The following NT5C3A variants were observed in gnomAD, a reference collection of about 807,000 sequenced individuals.
NT5C3A encodes the protein cytosolic 5'-nucleotidase 3A.
NT5C3A carries 23 observed loss-of-function variants against 40.0 expected under a neutral mutation model. The observed-to-expected ratio is 0.58, with a 90% confidence interval of 0.41 to 0.81. The LOEUF (loss-of-function observed/expected upper bound fraction) is 0.81, where lower values mean the gene tolerates loss of function less well. Among genes scored for constraint, NT5C3A ranks in the 40% least tolerant of loss-of-function variants. The pLI, the probability that NT5C3A is intolerant of heterozygous loss-of-function variation, is 0.00. For missense variants in NT5C3A, 328 were observed against 403.0 expected (o/e 0.81, Z 1.59); for synonymous variants, 130 against 141.4 (o/e 0.92, Z 0.57).
chr7:33,032,584 T>A (rs1786340874), intron 1 of NT5C3A, among the ~76,000 whole-genome samples: 1 of 150,836 alleles, frequency 6.6e-6, no homozygotes. Flanking sequence ...GACTCTCAAG[T>A]AACTGGGACT....
chr7:33,052,485 C>CAAAAAAAAAAAAAAAAAAAAAAAA (rs60149792), intron 1 of NT5C3A, among the ~76,000 whole-genome samples: 1 of 74,240 alleles, frequency 1.3e-5, no homozygotes, highest in Non-Finnish European at 2.5e-5. Flanking sequence ...GACTCGGTCT[C>CAAAAAAAAAAAAAAAAAAAAAAAA]AAAAAAAAAA....
chr7:33,036,106 G>A (rs1366143761), intron 1 of NT5C3A: 5 of 778,552 alleles, frequency 6.4e-6, no homozygotes, highest in Non-Finnish European at 1.1e-5. Context: ...TTTTTGGTAT[G>A]ACTTATTTAT....
chr7:33,029,519 G>C lies in NT5C3A; in HGVS notation c.139-2604C>G. On this transcript the variant is annotated intron_variant, in intron 1 of 8. Transcript: ENST00000610140. ...GATGCACAGCAATCAGCATATGTTT[G>C]ATTCAATAACCAATCCATTATGGTG... is the stretch of plus-strand genomic sequence containing the variant. The C allele has an allele frequency of 5.8e-6, 3 of 520,034 alleles. No homozygotes were observed. In the Admixed American group the frequency reaches 7.7e-5, roughly 13 times the overall value. The allele number at this position is 520,034 out of a possible 1,614,324, so 32.2% of individuals were successfully genotyped here.
intron 1 of NT5C3A, among the ~76,000 whole-genome samples, chr7:33,040,477 TC>T (rs1430710277): frequency 6.6e-6 from 1 of 152,196 alleles, no homozygotes; most frequent in Non-Finnish European, 1.5e-5. Flanking sequence ...TAATAACTGT[TC>T]CTAATCCTAG....
chr7:33,062,192 C>T (rs1035421046), intron 1 of NT5C3A, among the ~76,000 whole-genome samples: 1 of 152,086 alleles, frequency 6.6e-6, no homozygotes, highest in Non-Finnish European at 1.5e-5. Flanking sequence ...GGGAGCAAGG[C>T]AGGGAGAGAA....
At chr7:33,029,500 C>G (rs761018246) in intron 1 of NT5C3A, 3 of 431,294 alleles carry the variant, frequency 7.0e-6, no homozygotes, top group Non-Finnish European at 1.3e-5. Flanking sequence ...GGCAGATGCA[C>G]AGCAATCAGC....
At chr7:33,031,904 C>T (rs556765560) in intron 1 of NT5C3A, among the ~76,000 whole-genome samples, 1 of 152,172 alleles carries the variant, frequency 6.6e-6, no homozygotes, top group Non-Finnish European at 1.5e-5. Context: ...GCCAGTGGAT[C>T]ACCTAAGGTC....
chr7:33,028,660 A>C (rs137999631), intron 1 of NT5C3A, among the ~76,000 whole-genome samples: 7 of 152,370 alleles, frequency 4.6e-5, no homozygotes, highest in Non-Finnish European at 8.8e-5. Context: ...CTCACCACGT[A>C]AATCTATCAG....
chr7:33,052,969 G>A (rs2128017566), intron 1 of NT5C3A, among the ~76,000 whole-genome samples: 1 of 152,268 alleles, frequency 6.6e-6, no homozygotes, highest in East Asian at 1.9e-4. Context: ...ATGGGATCCT[G>A]TATTTCAAAA....
intron 1 of NT5C3A, among the ~76,000 whole-genome samples, chr7:33,047,995 T>C (rs1787221532): frequency 1.0e-5 from 1 of 100,006 alleles, no homozygotes; most frequent in South Asian, 2.5e-4. Context: ...TTTATATGTG[T>C]ATGTGTGTGT....
At chr7:33,034,777 A>G (rs1289843608) in intron 1 of NT5C3A, among the ~76,000 whole-genome samples, 2 of 152,154 alleles carry the variant, frequency 1.3e-5, no homozygotes, top group Non-Finnish European at 2.9e-5. Flanking sequence ...TCTAGTTTAT[A>G]GGCCAGAAAA....
intron 1 of NT5C3A, chr7:33,041,289 T>A (rs1333098952): frequency 3.5e-5 from 9 of 254,454 alleles, no homozygotes; most frequent in Non-Finnish European, 4.9e-5. Flanking sequence ...TTAAAAAGAT[T>A]AGGTTGCTGT....
intron 5 of NT5C3A, among the ~76,000 whole-genome samples, chr7:33,020,035 T>C (rs1192635846): frequency 2.6e-5 from 4 of 152,172 alleles, no homozygotes; most frequent in African/African-American, 9.7e-5. Flanking sequence ...TATGGAAGCA[T>C]AATCCTTTCT....
chr7:33,027,109 A>C (rs1583914919), intron 1 of NT5C3A, 194 bp from the exon 2 acceptor site: 1 of 479,744 alleles, frequency 2.1e-6, no homozygotes. Context: ...TTGTTTTGTC[A>C]CCCCGGCTGG....
chr7:33,031,685 AAAAC>A (rs1786268684), intron 1 of NT5C3A, among the ~76,000 whole-genome samples: 1 of 152,202 alleles, frequency 6.6e-6, no homozygotes, highest in Non-Finnish European at 1.5e-5. Flanking sequence ...CTAAAAATAA[AAAAC>A]AAAATAAACT....
intron 1 of NT5C3A, among the ~76,000 whole-genome samples, chr7:33,062,231 A>T (rs917354075): frequency 6.6e-6 from 1 of 152,216 alleles, no homozygotes; most frequent in East Asian, 1.9e-4. Context: ...CATGCAGCTT[A>T]TCTCTAGAGA....
intron 1 of NT5C3A, among the ~76,000 whole-genome samples, chr7:33,041,963 G>A (rs942770182): frequency 6.6e-6 from 1 of 152,084 alleles, no homozygotes. Flanking sequence ...TAATATTTCA[G>A]TAATCAAATT....
At chr7:33,038,711 G>T (rs1249700129) in intron 1 of NT5C3A, 1 of 369,524 alleles carries the variant, frequency 2.7e-6, no homozygotes, top group Non-Finnish European at 5.3e-6. Context: ...GGTGTAAAAT[G>T]TCAGCATTCT....
At chr7:33,052,042 G>C (rs923672355) in intron 1 of NT5C3A, among the ~76,000 whole-genome samples, 3 of 152,162 alleles carry the variant, frequency 2.0e-5, no homozygotes, top group African/African-American at 4.8e-5. Context: ...AGTAAAACTA[G>C]AAACAGCTTC....
Sources: gnomAD v4.1 joint callset for allele counts (sites outside exome capture counted in the v4.1 genomes callset) on GRCh38, gnomAD v4.1.1 for gene constraint, MANE v1.5 for transcripts, NCBI Gene and HGNC (gene_info 2026-07-23, HGNC 2026-07-21) for gene names.